The following CHCHD3 variants were observed in gnomAD, a reference collection of about 807,000 sequenced individuals.
CHCHD3 encodes MICOS complex subunit MIC19.
Under a neutral mutation model 38.2 loss-of-function variants are expected in CHCHD3, and 20 were observed. The observed-to-expected ratio is 0.52, with a 90% confidence interval of 0.37 to 0.76. CHCHD3 has a LOEUF of 0.76. CHCHD3 is among the 30% of genes least tolerant of loss of function. The pLI, the probability that CHCHD3 is intolerant of heterozygous loss-of-function variation, is 0.00. For synonymous variants in CHCHD3, 82 were observed against 100.0 expected (o/e 0.82, Z 1.07); for missense variants, 245 against 279.2 (o/e 0.88, Z 0.87).
At chr7:132,918,794 C>G (rs1810182886) in intron 4 of CHCHD3, among the ~76,000 whole-genome samples, 1 of 152,174 alleles carries the variant, frequency 6.6e-6, no homozygotes, top group East Asian at 1.9e-4. Context: ...TTCATAGAAA[C>G]AGCTACAGCT....
chr7:133,045,254 C>T lies in CHCHD3; in HGVS notation c.170-20627G>A, dbSNP rs1381595239. Among the ~76,000 whole-genome samples the T allele has an allele frequency of 2.0e-5, 3 of 152,290 alleles. No individual in the cohort carries two copies. In the East Asian group the frequency reaches 5.8e-4, roughly 29 times the overall value. ...ACTACAATACACTTAAGCTGTCAGGCCTGACAACTGACGAAGAGGTTCAGA... is the reference window on the plus strand; with the variant it reads ...ACTACAATACACTTAAGCTGTCAGGTCTGACAACTGACGAAGAGGTTCAGA... On this transcript the variant is annotated intron_variant, in intron 2 of 7. Transcript: ENST00000262570.
chr7:132,869,330 T>C (rs530915043), intron 5 of CHCHD3, among the ~76,000 whole-genome samples: 58 of 152,218 alleles, frequency 3.8e-4, no homozygotes, highest in Non-Finnish European at 7.5e-4. Flanking sequence ...TACAATACCA[T>C]AGAATTTAAT....
chr7:132,873,023 G>A (rs955065659), intron 5 of CHCHD3, among the ~76,000 whole-genome samples: 2 of 152,110 alleles, frequency 1.3e-5, no homozygotes, highest in African/African-American at 4.8e-5. Context: ...TGAGGAGATG[G>A]AGGTTGCAGT....
At chr7:132,785,707 A>C (rs1220173883) in intron 7 of CHCHD3, 47 bp from the exon 8 acceptor site, 2 of 1,582,884 alleles carry the variant, frequency 1.3e-6, no homozygotes, top group Non-Finnish European at 1.7e-6. Flanking sequence ...GGAGAGGACA[A>C]AAAATAAATG....
chr7:132,853,820 T>C (rs1284284099), intron 5 of CHCHD3, among the ~76,000 whole-genome samples: 1 of 152,160 alleles, frequency 6.6e-6, no homozygotes, highest in African/African-American at 2.4e-5. Context: ...TGTATTATAT[T>C]CTAAGCTGAG....
intron 5 of CHCHD3, among the ~76,000 whole-genome samples, chr7:132,852,363 T>C (rs992645844): frequency 2.0e-5 from 3 of 152,142 alleles, no homozygotes; most frequent in Non-Finnish European, 4.4e-5. Context: ...GATAACCAGG[T>C]TCAGTTTGGC....
chr7:132,891,966 G>A (rs916971108), intron 4 of CHCHD3, among the ~76,000 whole-genome samples: 9 of 152,172 alleles, frequency 5.9e-5, no homozygotes, highest in African/African-American at 1.9e-4. Context: ...CCCAGGAAGC[G>A]TAACTGTGAG....
intron 2 of CHCHD3, among the ~76,000 whole-genome samples, chr7:133,064,882 G>A (rs1814626918): frequency 6.6e-6 from 1 of 152,028 alleles, no homozygotes; most frequent in Admixed American, 6.6e-5. Context: ...ATCATTTCCT[G>A]TCTGTTTCTT....
chr7:132,837,623 G>GTTC (rs1223033043), intron 6 of CHCHD3, among the ~76,000 whole-genome samples: 7 of 152,194 alleles, frequency 4.6e-5, no homozygotes, highest in Non-Finnish European at 1.0e-4. Flanking sequence ...TTTATCAAAT[G>GTTC]CTTGTAAACA....
intron 6 of CHCHD3, among the ~76,000 whole-genome samples, chr7:132,799,763 A>C (rs901744883): frequency 2.0e-5 from 3 of 152,206 alleles, no homozygotes; most frequent in Admixed American, 6.5e-5. Flanking sequence ...TTTTGTGGTC[A>C]CTTGAAATTA....
At chr7:132,965,035 T>C (rs1811422950) in intron 4 of CHCHD3, among the ~76,000 whole-genome samples, 1 of 150,672 alleles carries the variant, frequency 6.6e-6, no homozygotes, top group African/African-American at 2.4e-5. Context: ...CTATGCTAAG[T>C]AGGCTCATAA....
At chr7:132,883,191 T>C (rs550891879) in intron 5 of CHCHD3, among the ~76,000 whole-genome samples, 4 of 152,338 alleles carry the variant, frequency 2.6e-5, no homozygotes, top group South Asian at 2.1e-4. Context: ...CAGCTCATTA[T>C]AGCAGTGAGA....
chr7:132,871,412 C>G (rs190613481), intron 5 of CHCHD3, among the ~76,000 whole-genome samples: 1 of 152,268 alleles, frequency 6.6e-6, no homozygotes, highest in Non-Finnish European at 1.5e-5. Context: ...AGTAACTACA[C>G]CATGAGAGAA....
At position 133,058,306 on chromosome 7, in the gene CHCHD3, C is replaced by CA. The variant is rs1456467910; in HGVS notation, c.169+11835dup. Among the ~76,000 whole-genome samples the CA allele has an allele frequency of 6.6e-5, 10 of 150,908 alleles. 1 individual carries two copies. The highest frequency in any genetic ancestry group is 4.0e-4 in the Admixed American group (6 of 15,094). ...CCAGGCTGGAGTGCAGGGATGCAAA[C>CA]ATAGTACACTTCCAAGCTCGATCTC... On this transcript the variant is annotated intron_variant, in intron 2 of 7. Transcript: ENST00000262570.
intron 5 of CHCHD3, chr7:132,849,714 T>C (rs1388715811): frequency 1.3e-5 from 2 of 152,190 alleles, no homozygotes; most frequent in Non-Finnish European, 2.9e-5. Context: ...AAGTGTTATA[T>C]GGAACTTCCC....
chr7:132,914,168 T>TGTGTGTGTG (rs1810042748), intron 4 of CHCHD3, among the ~76,000 whole-genome samples: 2 of 109,970 alleles, frequency 1.8e-5, no homozygotes, highest in African/African-American at 4.0e-5. Flanking sequence ...GTGTGTGTGT[T>TGTGTGTGTG]TAGTAGAGAT....
intron 6 of CHCHD3, among the ~76,000 whole-genome samples, chr7:132,835,266 G>C (rs1807750933): frequency 6.6e-6 from 1 of 151,980 alleles, no homozygotes; most frequent in African/African-American, 2.4e-5. Flanking sequence ...ACAGGCATGA[G>C]CCACCTCGCC....
chr7:132,838,061 A>C (rs1585559611), intron 6 of CHCHD3, among the ~76,000 whole-genome samples: 1 of 152,310 alleles, frequency 6.6e-6, no homozygotes, highest in Non-Finnish European at 1.5e-5. Flanking sequence ...AATGGTTTCT[A>C]TGTTTCCCTT....
At chr7:132,903,788 T>C (rs1809728039) in intron 4 of CHCHD3, among the ~76,000 whole-genome samples, 1 of 152,248 alleles carries the variant, frequency 6.6e-6, no homozygotes, top group Non-Finnish European at 1.5e-5. Flanking sequence ...TTTGATCAGA[T>C]GCTAGAAAGC....
Sources: allele counts gnomAD v4.1 joint callset (sites outside exome capture counted in the v4.1 genomes callset), GRCh38; gene constraint gnomAD v4.1.1; transcripts MANE v1.5; gene names NCBI Gene and HGNC (gene_info 2026-07-23, HGNC 2026-07-21).